TTF2: variants seen among roughly 807,000 people sequenced by gnomAD.
TTF2 encodes the protein transcription termination factor 2, also known as RNA polymerase II termination factor.
In TTF2, 108 loss-of-function variants were observed where a neutral mutation model predicts 142.4. The observed-to-expected ratio is 0.76, with a 90% CI of 0.65 to 0.89. The LOEUF (loss-of-function observed/expected upper bound fraction) is 0.89, where lower values mean the gene tolerates loss of function less well. Ranked by LOEUF, TTF2 falls within the 40% of genes least tolerant of loss-of-function variation. The pLI is 0.00. For missense variants in TTF2, 1,327 were observed against 1,379.8 expected, an observed-to-expected ratio of 0.96 and a Z score of 0.61; for synonymous variants, 483 against 506.2, an observed-to-expected ratio of 0.95 and a Z score of 0.61.
In TTF2 at chr1:117,084,114, A is replaced by G. The variant is rs575402109; in HGVS notation, c.2000A>G (p.Asn667Ser). 3 of 1,614,198 alleles carry G rather than the reference A, an allele frequency of 1.9e-6. No homozygotes were observed. The highest frequency in any genetic ancestry group is 4.5e-5 in the East Asian group (2 of 44,878). ...KNEVEKRVNS[N>S]KLRVYLYHGP... ...GAGGTGGAGAAACGGGTGAACAGCAACAAACTAAGAGTCTATCTCTACCAT... is the reference window on the plus strand; with the variant it reads ...GAGGTGGAGAAACGGGTGAACAGCAGCAAACTAAGAGTCTATCTCTACCAT... The change falls in exon 11 of 23, where the codon AAC becomes AGC. Residue 667 changes from asparagine to serine, a missense_variant. Transcript: ENST00000369466.
rs1157619178 is a variant in TTF2, at chr1:117,085,164, T to C, written c.2054+996T>C. ...TGTACTAGTTGACCGATTAGAATCA[T>C]TCTGAATTATACTTCTTTATATGAT... On this transcript the variant is annotated intron_variant, in intron 11 of 22. Coordinates refer to ENST00000369466, the MANE Select transcript of TTF2 (RefSeq NM_003594.4). This position sits in a 1 kb window ranked among gnomAD's most constrained non-coding sequence, Gnocchi z 4.7. Among the ~76,000 whole-genome samples, 1 of 152,214 alleles carries C rather than the reference T, an allele frequency of 6.6e-6. No individual in the cohort carries two copies. Among genetic ancestry groups the C allele is most frequent in the East Asian group, 1.9e-4 (1 of 5,202 alleles).
chr1:117,066,652 T>C (rs188957046), intron 3 of TTF2, among the ~76,000 whole-genome samples: 1 of 151,630 alleles, frequency 6.6e-6, no homozygotes. Flanking sequence ...TGGTCGAGTA[T>C]TGGGATGTGT....
chr1:117,102,377 C>G lies in TTF2; in HGVS notation c.*853C>G, dbSNP rs1227415832. 1 of 152,200 alleles carries G rather than the reference C, an allele frequency of 6.6e-6. No individual in the cohort carries two copies. The highest frequency in any genetic ancestry group is 1.5e-5 in the Non-Finnish European group (1 of 68,044). 9.4% of individuals were successfully genotyped at this position (152,200 alleles called of 1,614,324 possible). On this transcript the variant is annotated 3_prime_UTR_variant, in exon 23 of 23. Coordinates refer to ENST00000369466, the MANE Select transcript of TTF2 (RefSeq NM_003594.4). Reference sequence around the variant, plus strand: ...TCTCTCAGTGCAGGCAGTTCTTCCTCTCAGGCTGAAGATCAAGGAGATGCT... The same window carrying G: ...TCTCTCAGTGCAGGCAGTTCTTCCTGTCAGGCTGAAGATCAAGGAGATGCT...
chr1:117,066,316 T>G (rs773140202), intron 3 of TTF2, among the ~76,000 whole-genome samples: 1 of 152,162 alleles, frequency 6.6e-6, no homozygotes, highest in African/African-American at 2.4e-5. Context: ...CACACCAACT[T>G]TCTCTTAAGT....
At chr1:117,095,914 T>C (rs1649095515) in intron 19 of TTF2, among the ~76,000 whole-genome samples, 5 of 152,038 alleles carry the variant, frequency 3.3e-5, no homozygotes, top group Admixed American at 3.3e-4. Context: ...CTAGCTACCA[T>C]TTTTTTCTGA....
At position 117,075,798 on chromosome 1, in the gene TTF2, T is replaced by C; in HGVS notation, c.1214T>C (p.Val405Ala). 6.2e-7 allele frequency: 1 copy of C among 1,614,082 alleles called. No homozygotes were observed. The highest frequency in any genetic ancestry group is 8.5e-7 in the Non-Finnish European group (1 of 1,180,000). The change falls in exon 5 of 23, where the codon GTA (valine) becomes GCA (alanine). Residue 405 changes from valine to alanine, a missense_variant. Physicochemically the swap from Val to Ala is moderately conservative, Grantham distance 64 (BLOSUM62 0). Coordinates refer to ENST00000369466, the MANE Select transcript of TTF2 (RefSeq NM_003594.4). The surrounding 1 kb of genome is among the most constrained non-coding windows in gnomAD (Gnocchi z 4.5). The part of the protein sequence containing the change: ...VSPASGVSKK[V>A]EPSDPVARRV... The stretch of plus-strand genomic sequence containing the variant: ...CCTGCCTCAGGTGTTTCCAAGAAGG[T>C]AGAACCCTCAGACCCAGTAGCCCGG...
Position 117,079,197 on chromosome 1 carries a change from G to A in TTF2, c.1702-371G>A, listed in dbSNP as rs531836563. Among the ~76,000 whole-genome samples the A allele has an allele frequency of 1.4e-4, 21 of 152,182 alleles. No individual in the cohort carries two copies. The South Asian group carries it at 3.9e-3, about 29-fold the overall frequency. On this transcript the variant is annotated intron_variant, in intron 8 of 22. Transcript: ENST00000369466. This position sits in a 1 kb window ranked among gnomAD's most constrained non-coding sequence, Gnocchi z 4.2. ...GGAGGCTGCAGTGGGCTGAGATCAC[G>A]CCACTGCACTCTAGCCTGGGCAACA...
chr1:117,077,928 A>G lies in TTF2; in HGVS notation c.1586A>G (p.Gln529Arg), dbSNP rs199665963. 118 of 1,614,182 alleles carry G rather than the reference A, an allele frequency of 7.3e-5. No individual in the cohort carries two copies. The highest frequency in any genetic ancestry group is 9.7e-5 in the Non-Finnish European group (115 of 1,180,010). ...SSQCYRGHTN[Q>R]DHVHAVWKIT... ...TATTTGTATGCAGGCCATACAAACC[A>G]AGATCACGTTCATGCAGTGTGGAAA... is the stretch of plus-strand genomic sequence containing the variant. Residue 529 changes from glutamine to arginine, a missense_variant, in exon 8 of 23, where the codon CAA (glutamine) becomes CGA (arginine). Gln to Arg is a conservative substitution (Grantham distance 43, BLOSUM62 1). Transcript: ENST00000369466.
At chr1:117,088,304 G>A (rs1385374291) in intron 12 of TTF2, among the ~76,000 whole-genome samples, 3 of 152,188 alleles carry the variant, frequency 2.0e-5, no homozygotes, top group East Asian at 1.9e-4. Context: ...TTGGAAGGCC[G>A]AGGCGGGTGG....
intron 2 of TTF2, among the ~76,000 whole-genome samples, chr1:117,061,232 A>AT (rs1655661103): frequency 6.7e-6 from 1 of 149,554 alleles, no homozygotes; most frequent in South Asian, 2.2e-4. Context: ...TCTACGAAAA[A>AT]TTAAAAAAAA....
chr1:117,075,473 G>A lies in TTF2; in HGVS notation c.889G>A (p.Asp297Asn), dbSNP rs1420061650. Residue 297 changes from aspartate to asparagine, a missense_variant, in exon 5 of 23, where the codon GAT (aspartate) becomes AAT (asparagine). Coordinates refer to ENST00000369466, the MANE Select transcript of TTF2 (RefSeq NM_003594.4). This position sits in a 1 kb window ranked among gnomAD's most constrained non-coding sequence, Gnocchi z 4.5. Reference sequence around the variant, plus strand: ...GGAGGCTAAAGAAACAAAGGCAAAGGATGGCCCTAGCATACAGGCCACCCA... The same window carrying A: ...GGAGGCTAAAGAAACAAAGGCAAAGAATGGCCCTAGCATACAGGCCACCCA... The part of the protein sequence containing the change: ...NWEAKETKAK[D>N]GPSIQATQKS... 1.5e-5 allele frequency: 25 copies of A among 1,614,020 alleles called. No individual in the cohort carries two copies. Among genetic ancestry groups the A allele is most frequent in the Non-Finnish European group, 1.9e-5 (23 of 1,180,000 alleles).
In TTF2 at chr1:117,079,251, T is replaced by G. The variant is rs910398713; in HGVS notation, c.1702-317T>G. 1.3e-5 allele frequency among the ~76,000 whole-genome samples: 2 copies of G among 151,628 alleles called. No individual in the cohort carries two copies. Among genetic ancestry groups the G allele is most frequent in the Non-Finnish European group, 1.5e-5 (1 of 67,860 alleles). The stretch of plus-strand genomic sequence containing the variant: ...CGAGGCTGTCTCAAAAAAATAAAAA[T>G]AAAAAAATAAAAGCTGTAGAGACTG... On this transcript the variant is annotated intron_variant, in intron 8 of 22. Coordinates refer to ENST00000369466, the MANE Select transcript of TTF2 (RefSeq NM_003594.4). The surrounding 1 kb of genome is among the most constrained non-coding windows in gnomAD (Gnocchi z 4.2).
intron 12 of TTF2, among the ~76,000 whole-genome samples, chr1:117,088,278 C>T (rs1339418187): frequency 6.6e-6 from 1 of 152,198 alleles, no homozygotes; most frequent in African/African-American, 2.4e-5. Flanking sequence ...TGGCTCATGC[C>T]TGTAATCCCA....
intron 4 of TTF2, among the ~76,000 whole-genome samples, chr1:117,074,112 T>C (rs1656798199): frequency 1.3e-5 from 2 of 152,124 alleles, no homozygotes; most frequent in African/African-American, 4.8e-5. Flanking sequence ...AGGAGGAGCA[T>C]CTCCTAATAG....
chr1:117,083,241 CAAAAA>C (rs937586299), intron 10 of TTF2, among the ~76,000 whole-genome samples: 2 of 53,302 alleles, frequency 3.8e-5, no homozygotes. Flanking sequence ...GACTCCGTCT[CAAAAA>C]AAAAAAAAAA....
Position 117,091,826 on chromosome 1 carries a change from A to G in TTF2, c.2681A>G (p.Glu894Gly). 6.2e-7 allele frequency: 1 copy of G among 1,610,130 alleles called. No individual in the cohort carries two copies. Among genetic ancestry groups the G allele is most frequent in the Non-Finnish European group, 8.5e-7 (1 of 1,178,190 alleles). Residue 894 changes from glutamate to glycine, a missense_variant, in exon 17 of 23, where the codon GAG becomes GGG. Transcript: ENST00000369466. The stretch of plus-strand genomic sequence containing the variant: ...TCTTCCCTCTTGGAAGTGGCACTGG[A>G]GTTTGGGTCTGAGGAGCCTAGACAC... ...PNNPFSRVAL[E>G]FGSEEPRHSE...
chr1:117,073,758 CTGTGT>C lies in TTF2; in HGVS notation c.285+33_285+37del. 1 of 1,602,844 alleles carries C rather than the reference CTGTGT, an allele frequency of 6.2e-7. No homozygotes were observed. The highest frequency in any genetic ancestry group is 8.5e-7 in the Non-Finnish European group (1 of 1,171,236). On this transcript the variant is annotated intron_variant, in intron 4 of 22. Transcript: ENST00000369466. The surrounding 1 kb of genome is among the most constrained non-coding windows in gnomAD (Gnocchi z 4.4). ...AATTATTCATCTGTTTTCAAACCTGCTGTGTTAAGACTTTTAATATGCAGCATCAC... is the reference window on the plus strand; with the variant it reads ...AATTATTCATCTGTTTTCAAACCTGCTAAGACTTTTAATATGCAGCATCAC...
rs1018339585 is a variant in TTF2 at position 117,087,384 on chromosome 1, C to T, written c.2160+862C>T. 7.2e-5 allele frequency among the ~76,000 whole-genome samples: 11 copies of T among 152,214 alleles called. No homozygotes were observed. The South Asian group carries it at 8.3e-4, about 11-fold the overall frequency. ...TTGGCTCACTGCAACCTCTGCATCCCGGGTTCAAGCGATTCTCCTGCCTCA... is the reference window on the plus strand; with the variant it reads ...TTGGCTCACTGCAACCTCTGCATCCTGGGTTCAAGCGATTCTCCTGCCTCA... On this transcript the variant is annotated intron_variant, in intron 12 of 22. Coordinates refer to ENST00000369466, the MANE Select transcript of TTF2 (RefSeq NM_003594.4). The surrounding 1 kb of genome is among the most constrained non-coding windows in gnomAD (Gnocchi z 4.8).
intron 3 of TTF2, among the ~76,000 whole-genome samples, chr1:117,072,517 C>T (rs985430841): frequency 6.6e-6 from 1 of 150,990 alleles, no homozygotes; most frequent in African/African-American, 2.4e-5. Context: ...CTACGCCTCC[C>T]GGGTTCAAGC....
Sources: gnomAD v4.1 joint callset for allele counts (sites outside exome capture counted in the v4.1 genomes callset) on GRCh38, gnomAD v4.1.1 for gene constraint, Gnocchi (gnomAD v3.1) non-coding constraint, MANE v1.5 for transcripts, NCBI Gene and HGNC (gene_info 2026-07-23, HGNC 2026-07-21) for gene names.